Variants in MCM9 observed in about 807,000 individuals in gnomAD.
MCM9 encodes DNA helicase MCM9.
Under a neutral mutation model 72.8 loss-of-function variants are expected in MCM9, and 55 were observed. That is an observed-to-expected ratio of 0.76 (90% CI 0.61 to 0.95). The LOEUF is 0.95. MCM9 is among the 40% of genes least tolerant of loss of function. The pLI is 0.00. For missense variants in MCM9, 1,279 were observed against 1,377.0 expected (o/e 0.93, Z 1.13); for synonymous variants, 480 against 503.4 (o/e 0.95, Z 0.62).
At chr6:118,885,530 A>G (rs1300810037) in intron 8 of MCM9, among the ~76,000 whole-genome samples, 1 of 152,228 alleles carries the variant, frequency 6.6e-6, no homozygotes, top group Non-Finnish European at 1.5e-5. Flanking sequence ...GTAAGGGAAC[A>G]GTGTAAACAA....
At chr6:118,930,714 C>G (rs937769689) in intron 3 of MCM9, among the ~76,000 whole-genome samples, 1 of 152,178 alleles carries the variant, frequency 6.6e-6, no homozygotes, top group African/African-American at 2.4e-5. Context: ...TCTTCTCTTT[C>G]GCCACACTAT....
intron 8 of MCM9, among the ~76,000 whole-genome samples, chr6:118,893,837 C>A (rs1335171305): frequency 3.1e-3 from 150 of 48,654 alleles, no homozygotes; most frequent in Non-Finnish European, 5.9e-3. Context: ...ATCAAAAAAC[C>A]AAAAAAACAA....
chr6:118,878,274 A>G (rs1322576935), intron 8 of MCM9, among the ~76,000 whole-genome samples: 2 of 152,230 alleles, frequency 1.3e-5, no homozygotes, highest in African/African-American at 4.8e-5. Flanking sequence ...TAATTAATGT[A>G]AAGTTAAAAA....
intron 2 of MCM9, among the ~76,000 whole-genome samples, chr6:118,932,193 G>A (rs9320669): frequency 0.58 from 88,295 of 151,996 alleles, 26,190 homozygotes; most frequent in East Asian, 0.69. Context: ...TCAGTACAAT[G>A]ATATGATGTA....
rs1315663630 is a variant in MCM9 at position 118,813,723 on chromosome 6, C to T, written c.*1101G>A. 6.6e-6 allele frequency: 1 copy of T among 152,068 alleles called. No homozygotes were observed. The highest frequency in any genetic ancestry group is 1.5e-5 in the Non-Finnish European group (1 of 68,006). 9.4% of individuals were successfully genotyped at this position (152,068 alleles called of 1,614,324 possible). On this transcript the variant is annotated 3_prime_UTR_variant, in exon 14 of 14. Coordinates refer to ENST00000619706, the MANE Select transcript of MCM9 (RefSeq NM_017696.3). ...CCAAAGGAATAAGTGATTTTAAAAG[C>T]ACATAGAAAGACAAAGCTTGAGGTT...
At chr6:118,851,127 A>T (rs1366721053) in intron 9 of MCM9, among the ~76,000 whole-genome samples, 1 of 151,782 alleles carries the variant, frequency 6.6e-6, no homozygotes, top group Non-Finnish European at 1.5e-5. Context: ...AGCCTAAATT[A>T]TTGAACCATG....
intron 8 of MCM9, among the ~76,000 whole-genome samples, chr6:118,861,493 A>G (rs1776901963): frequency 6.6e-6 from 1 of 152,218 alleles, no homozygotes; most frequent in South Asian, 2.1e-4. Flanking sequence ...TACTTGGACA[A>G]CTGGAGGGTG....
intron 8 of MCM9, among the ~76,000 whole-genome samples, chr6:118,894,724 C>T (rs1779231700): frequency 6.6e-6 from 1 of 152,204 alleles, no homozygotes; most frequent in South Asian, 2.1e-4. Flanking sequence ...CTGCCGGGCT[C>T]AACTTGCGAG....
intron 8 of MCM9, among the ~76,000 whole-genome samples, chr6:118,890,952 TATG>T (rs1220861127): frequency 7.2e-5 from 11 of 152,360 alleles, no homozygotes; most frequent in Admixed American, 6.5e-4. Flanking sequence ...CTTCCATTCC[TATG>T]ATAACTTTTG....
intron 8 of MCM9, among the ~76,000 whole-genome samples, chr6:118,889,209 A>G (rs1328608621): frequency 6.6e-6 from 1 of 152,164 alleles, no homozygotes; most frequent in African/African-American, 2.4e-5. Flanking sequence ...CCAAATTTCT[A>G]CCAATTAATT....
chr6:118,935,048 G>C lies in MCM9; in HGVS notation c.-307C>G, dbSNP rs973517122. The C allele has an allele frequency of 3.3e-5, 5 of 152,096 alleles. No homozygotes were observed. The highest frequency in any genetic ancestry group is 1.3e-4 in the Admixed American group (2 of 15,264). 9.4% of individuals were successfully genotyped at this position (152,096 alleles called of 1,614,324 possible). On this transcript the variant is annotated 5_prime_UTR_variant, in exon 1 of 14. Transcript: ENST00000619706. ...TCGAGGCGCCACCGGCCGCGGGGAC[G>C]CGCGGGCTGTGTCGGGCGGCCTAGC...
intron 3 of MCM9, among the ~76,000 whole-genome samples, chr6:118,927,923 C>A (rs1169791773): frequency 6.6e-6 from 1 of 152,182 alleles, no homozygotes; most frequent in Admixed American, 6.5e-5. Flanking sequence ...TGCTTTTACC[C>A]TTCCATGGCT....
intron 8 of MCM9, among the ~76,000 whole-genome samples, chr6:118,888,574 A>G (rs1041122027): frequency 6.6e-6 from 1 of 152,226 alleles, no homozygotes; most frequent in African/African-American, 2.4e-5. Context: ...ACTCCTAAGC[A>G]TAAACCTAGA....
intron 12 of MCM9, 114 bp downstream of exon 12, chr6:118,826,668 T>G (rs1178237895): frequency 1.4e-6 from 1 of 735,846 alleles, no homozygotes; most frequent in Non-Finnish European, 2.2e-6. Flanking sequence ...CAGGAATTAC[T>G]AAGTCTAGAA....
rs994625773 is a variant in MCM9, at chr6:118,856,539, G to A, written c.1157C>T (p.Thr386Met). ...TCCTGAGTCTTTTACAGCAGTTACC[G>A]TCAGACCTGAGGAAACAAGCAAGCC... is the stretch of plus-strand genomic sequence containing the variant. Reference protein sequence around the residue: ...TGIGSTSAGLTVTAVKDSGEW... With the variant: ...TGIGSTSAGLMVTAVKDSGEW... Residue 386 changes from threonine to methionine, a missense_variant, in exon 9 of 14, where the codon ACG becomes ATG. Coordinates refer to ENST00000619706, the MANE Select transcript of MCM9 (RefSeq NM_017696.3). The A allele has an allele frequency of 2.1e-5, 32 of 1,535,274 alleles. No individual in the cohort carries two copies. Among genetic ancestry groups the A allele is most frequent in the African/African-American group, 6.8e-5 (5 of 73,008 alleles).
intron 8 of MCM9, among the ~76,000 whole-genome samples, chr6:118,882,337 T>C (rs1180485806): frequency 6.6e-6 from 1 of 152,170 alleles, no homozygotes; most frequent in Non-Finnish European, 1.5e-5. Context: ...CTGACTTTAT[T>C]TGGAACACAG....
chr6:118,910,709 A>C, intron 8 of MCM9: 1 of 985,344 alleles, frequency 1.0e-6, no homozygotes, highest in Non-Finnish European at 1.2e-6. Flanking sequence ...ATTCTTGCCT[A>C]GTATCCTGAA....
intron 3 of MCM9, among the ~76,000 whole-genome samples, chr6:118,929,891 A>G (rs1782245389): frequency 6.6e-6 from 1 of 152,108 alleles, no homozygotes; most frequent in African/African-American, 2.4e-5. Context: ...ATAATGATTA[A>G]TACTCTTCAT....
intron 8 of MCM9, among the ~76,000 whole-genome samples, chr6:118,869,914 T>C (rs1777489411): frequency 6.6e-6 from 1 of 152,106 alleles, no homozygotes. Flanking sequence ...AAGAACATCA[T>C]TATATAGTAA....
Sources: allele counts gnomAD v4.1 joint callset (sites outside exome capture counted in the v4.1 genomes callset), GRCh38; gene constraint gnomAD v4.1.1; transcripts MANE v1.5; gene names NCBI Gene and HGNC (gene_info 2026-07-23, HGNC 2026-07-21).